The following CNGA3 variants were observed in gnomAD, a reference collection of about 807,000 sequenced individuals.
The protein encoded by CNGA3 is cyclic nucleotide gated channel subunit alpha 3.
A neutral mutation model predicts 46.6 loss-of-function variants in CNGA3; 42 were observed. The ratio of observed to expected loss-of-function variants is 0.90; its 90% confidence interval spans 0.70 to 1.17. The LOEUF (loss-of-function observed/expected upper bound fraction) is 1.17, where lower values mean the gene tolerates loss of function less well. CNGA3 is among the 50% of genes most tolerant of loss of function. CNGA3 has a pLI of 0.00. For synonymous variants in CNGA3, 394 were observed against 369.4 expected, an observed-to-expected ratio of 1.07 and a Z score of -0.76; for missense variants, 893 against 890.7, an observed-to-expected ratio of 1.00 and a Z score of -0.03.
chr2:98,380,566 C>T (rs765427123), intron 4 of CNGA3, among the ~76,000 whole-genome samples: 1 of 152,174 alleles, frequency 6.6e-6, no homozygotes, highest in East Asian at 1.9e-4. Context: ...AGGGAGAAAA[C>T]CCTTGAACCA....
chr2:98,385,140 T>C (rs1053721651), intron 5 of CNGA3, among the ~76,000 whole-genome samples: 1 of 152,154 alleles, frequency 6.6e-6, no homozygotes, highest in African/African-American at 2.4e-5. Context: ...TCTCAGCAGT[T>C]TGGTACCCAG....
intron 2 of CNGA3, among the ~76,000 whole-genome samples, chr2:98,370,548 C>A (rs1048077718): frequency 6.6e-6 from 1 of 152,218 alleles, no homozygotes; most frequent in East Asian, 1.9e-4. Flanking sequence ...ATGCCCAGGG[C>A]CTGTATAGGG....
At chr2:98,381,754 C>T (rs924542394) in intron 4 of CNGA3, among the ~76,000 whole-genome samples, 2 of 152,118 alleles carry the variant, frequency 1.3e-5, no homozygotes, top group African/African-American at 4.8e-5. Flanking sequence ...CTGGGGAAGG[C>T]CTGGGCGCTG....
chr2:98,396,685 TG>T lies in CNGA3; in HGVS notation c.1519del (p.Asp507IlefsTer47), dbSNP rs745592705. On this transcript the variant is annotated frameshift_variant, in exon 8 of 8. Transcript: ENST00000272602. LOFTEE classifies it high-confidence loss of function. The stretch of plus-strand genomic sequence containing the variant: ...AGCTGCGACCCACTGTGTTCAGCCC[TG>T]GGGATTATATCTGCAAGAAGGGAGA... ...LKLRPTVFSP[G>X]DYICKKGDIG... The T allele has an allele frequency of 1.2e-6, 2 of 1,614,062 alleles. No homozygotes were observed. The highest frequency in any genetic ancestry group is 1.7e-6 in the Non-Finnish European group (2 of 1,180,016).
At position 98,380,267 on chromosome 2, in the gene CNGA3, G is replaced by A. The variant is rs549529161; in HGVS notation, c.308G>A (p.Arg103His). 2.4e-5 allele frequency: 38 copies of A among 1,614,196 alleles called. No homozygotes were observed. The highest frequency in any genetic ancestry group is 6.7e-5 in the African/African-American group (5 of 75,044). Reference sequence around the variant, plus strand: ...CCGGACTCTTTTCCTGATCGTTTCCGTGGAGCCGAGCTTAAGGAGGTGTCC... The same window carrying A: ...CCGGACTCTTTTCCTGATCGTTTCCATGGAGCCGAGCTTAAGGAGGTGTCC... ...QGPDSFPDRF[R>H]GAELKEVSSQ... Residue 103 changes from arginine to histidine, a missense_variant, in exon 4 of 8, where the codon CGT becomes CAT. Transcript: ENST00000272602.
At chr2:98,359,730 C>T (rs576432232) in intron 1 of CNGA3, among the ~76,000 whole-genome samples, 18 of 152,334 alleles carry the variant, frequency 1.2e-4, no homozygotes, top group East Asian at 1.9e-4. Flanking sequence ...TGTCTGTGGA[C>T]GCCCTGGCCA....
intron 7 of CNGA3, among the ~76,000 whole-genome samples, chr2:98,393,743 G>T (rs1574388740): frequency 6.6e-6 from 1 of 152,178 alleles, no homozygotes; most frequent in East Asian, 1.9e-4. Context: ...AGTACCCTAA[G>T]CAACCAAGAT....
At chr2:98,365,521 A>T (rs1241715887) in intron 1 of CNGA3, among the ~76,000 whole-genome samples, 1 of 151,974 alleles carries the variant, frequency 6.6e-6, no homozygotes, top group African/African-American at 2.4e-5. Flanking sequence ...GTTCCATTCT[A>T]CCCATCTCTT....
At chr2:98,378,214 C>T (rs770882768) in intron 3 of CNGA3, 77 of 1,546,616 alleles carry the variant, frequency 5.0e-5, no homozygotes, top group Non-Finnish European at 2.1e-5. Context: ...CGTCTGGACC[C>T]CAGGGCAGGT....
In CNGA3 at chr2:98,380,233, G is replaced by C. The variant is rs768331585; in HGVS notation, c.274G>C (p.Asp92His). Residue 92 changes from aspartate to histidine, a missense_variant, in exon 4 of 8, where the codon GAC (aspartate) becomes CAC (histidine). Around this residue, in one of 3 missense-constraint regions of CNGA3, gnomAD observed 333 missense variants for 290.8 expected, o/e 1.15. Transcript: ENST00000272602. ...GGCTGCCAGGCATGTGCACCACCAG[G>C]ACCAGGGACCGGACTCTTTTCCTGA... ...RWAARHVHHQ[D>H]QGPDSFPDRF... The C allele has an allele frequency of 6.2e-7, 1 of 1,614,198 alleles. No homozygotes were observed. Among genetic ancestry groups the C allele is most frequent in the South Asian group, 1.1e-5 (1 of 91,082 alleles).
chr2:98,394,120 A>G (rs1407303218), intron 7 of CNGA3, among the ~76,000 whole-genome samples: 1 of 152,062 alleles, frequency 6.6e-6, no homozygotes, highest in Admixed American at 6.6e-5. Context: ...TGTGTTTCGC[A>G]CAGCCCTCAG....
chr2:98,388,646 C>T (rs1449587395), intron 5 of CNGA3, among the ~76,000 whole-genome samples: 1 of 152,216 alleles, frequency 6.6e-6, no homozygotes, highest in Non-Finnish European at 1.5e-5. Flanking sequence ...GGGGCTGCCC[C>T]TGTGAGCCTG....
intron 1 of CNGA3, among the ~76,000 whole-genome samples, chr2:98,357,129 A>G (rs1406878834): frequency 6.6e-6 from 1 of 152,208 alleles, no homozygotes; most frequent in African/African-American, 2.4e-5. Flanking sequence ...AATGTTTTTT[A>G]GGTAAAAGGA....
At chr2:98,367,740 T>A (rs373706789) in intron 1 of CNGA3, among the ~76,000 whole-genome samples, 53 of 152,234 alleles carry the variant, frequency 3.5e-4, no homozygotes, top group African/African-American at 1.2e-3. Flanking sequence ...AATTGCCATG[T>A]CCTGGCAACT....
chr2:98,367,319 C>T (rs1364062296), intron 1 of CNGA3, among the ~76,000 whole-genome samples: 2 of 151,898 alleles, frequency 1.3e-5, no homozygotes, highest in East Asian at 3.9e-4. Context: ...CTCAGCCTCC[C>T]GAGTAGCTGG....
intron 1 of CNGA3, among the ~76,000 whole-genome samples, chr2:98,365,235 A>T (rs1159476182): frequency 6.6e-6 from 1 of 152,116 alleles, no homozygotes; most frequent in African/African-American, 2.4e-5. Flanking sequence ...TGAAGTTAGG[A>T]GTTTGAGACC....
At chr2:98,384,229 G>A (rs557192024) in intron 5 of CNGA3, among the ~76,000 whole-genome samples, 2 of 152,126 alleles carry the variant, frequency 1.3e-5, no homozygotes, top group Non-Finnish European at 2.9e-5. Flanking sequence ...CCAATTTTGG[G>A]GGCGTAATCA....
chr2:98,358,790 C>T (rs1405731178), intron 1 of CNGA3, among the ~76,000 whole-genome samples: 3 of 152,072 alleles, frequency 2.0e-5, no homozygotes, highest in Admixed American at 1.3e-4. Flanking sequence ...CTTACATTTC[C>T]CTTTAGTGAT....
intron 2 of CNGA3, among the ~76,000 whole-genome samples, chr2:98,374,083 A>C (rs1692351328): frequency 6.6e-6 from 1 of 152,180 alleles, no homozygotes; most frequent in African/African-American, 2.4e-5. Context: ...CTTGTGCTGA[A>C]AGGTCACCTC....
Sources: gnomAD v4.1 joint callset for allele counts (sites outside exome capture counted in the v4.1 genomes callset) on GRCh38, gnomAD v4.1.1 for gene constraint, gnomAD v4.1.1 regional missense constraint, MANE v1.5 for transcripts, NCBI Gene and HGNC (gene_info 2026-07-23, HGNC 2026-07-21) for gene names.